XYLT1: variants seen among roughly 807,000 people sequenced by gnomAD.
XYLT1 encodes the protein beta-D-xylosyltransferase 1.
XYLT1 carries 36 observed loss-of-function variants against 91.3 expected under a neutral mutation model. The observed-to-expected ratio is 0.39, with a 90% CI of 0.30 to 0.52. The LOEUF is 0.52. XYLT1 is among the 20% of genes least tolerant of loss of function. XYLT1 has a pLI of 0.68. For synonymous variants in XYLT1, 588 were observed against 532.0 expected, an observed-to-expected ratio of 1.11 and a Z score of -1.45; for missense variants, 1,242 against 1,284.5, an observed-to-expected ratio of 0.97 and a Z score of 0.51.
intron 5 of XYLT1, among the ~76,000 whole-genome samples, chr16:17,181,530 ACTAT>A: frequency 6.6e-6 from 1 of 151,110 alleles, no homozygotes; most frequent in Non-Finnish European, 1.5e-5. Flanking sequence ...CCTGTGTTCC[ACTAT>A]CTTTCATGTT....
At chr16:17,270,393 C>A (rs1051828820) in intron 2 of XYLT1, among the ~76,000 whole-genome samples, 5 of 152,194 alleles carry the variant, frequency 3.3e-5, no homozygotes, top group African/African-American at 9.6e-5. Context: ...CCAACCCCAC[C>A]AGGGGGACAT....
intron 5 of XYLT1, among the ~76,000 whole-genome samples, chr16:17,166,186 C>T (rs1015942143): frequency 1.3e-4 from 20 of 152,220 alleles, no homozygotes; most frequent in African/African-American, 4.6e-4. Flanking sequence ...TGTCAAGCAA[C>T]GGGGTCAGGG....
At chr16:17,272,233 C>T (rs1270299140) in intron 2 of XYLT1, among the ~76,000 whole-genome samples, 1 of 131,280 alleles carries the variant, frequency 7.6e-6, no homozygotes, top group African/African-American at 3.0e-5. Flanking sequence ...ACGATCTTGG[C>T]TCACTGCAAC....
Position 17,259,394 on chromosome 16 carries a change from T to C in XYLT1, c.507A>G (p.Ala169=). The C allele has an allele frequency of 1.2e-6, 2 of 1,614,196 alleles. No individual in the cohort carries two copies. Among genetic ancestry groups the C allele is most frequent in the Non-Finnish European group, 1.7e-6 (2 of 1,180,042 alleles). Residue 169 remains alanine, a synonymous_variant, in exon 3 of 12, where the codon GCA becomes GCG. Transcript: ENST00000261381. ...DFENVDNSNF[A]PRTQKQKHQP... The stretch of plus-strand genomic sequence containing the variant: ...GGTGCTTCTGCTTTTGAGTCCTGGG[T>C]GCGAAGTTGCTGTTGTCGACATTCT...
chr16:17,305,164 C>T (rs1232526873), intron 2 of XYLT1, among the ~76,000 whole-genome samples: 1 of 152,152 alleles, frequency 6.6e-6, no homozygotes, highest in Non-Finnish European at 1.5e-5. Flanking sequence ...CATCCCAGTT[C>T]CCCAAATCAG....
At chr16:17,337,462 G>C (rs1029005888) in intron 2 of XYLT1, among the ~76,000 whole-genome samples, 12 of 152,170 alleles carry the variant, frequency 7.9e-5, no homozygotes, top group African/African-American at 2.9e-4. Flanking sequence ...TAGGATTACA[G>C]GCGTGAGCCA....
Position 17,106,810 on chromosome 16 carries a change from A to C in XYLT1, c.*1885T>G, listed in dbSNP as rs892243979. The C allele has an allele frequency of 4.6e-5, 7 of 152,054 alleles. No homozygotes were observed. Among genetic ancestry groups the C allele is most frequent in the African/African-American group, 1.7e-4 (7 of 41,388 alleles). 9.4% of individuals were successfully genotyped at this position (152,054 alleles called of 1,614,324 possible). A position where few individuals can be genotyped will look rare whatever the true frequency, so the allele number is the denominator to read the frequency against. On this transcript the variant is annotated 3_prime_UTR_variant, in exon 12 of 12. Transcript: ENST00000261381. Reference sequence around the variant, plus strand: ...AGGGAGAGTGAGGCTGACACTCTGCATAAGGAAAAAAACAAGGCTCCAACG... The same window carrying C: ...AGGGAGAGTGAGGCTGACACTCTGCCTAAGGAAAAAAACAAGGCTCCAACG...
intron 11 of XYLT1, among the ~76,000 whole-genome samples, chr16:17,114,233 T>G (rs7185924): frequency 0.057 from 8,638 of 152,322 alleles, 808 homozygotes; most frequent in African/African-American, 0.19. Context: ...CATAAGTGTT[T>G]CCCTGAGTTC....
chr16:17,139,343 G>T (rs560307230), intron 7 of XYLT1, among the ~76,000 whole-genome samples: 1 of 152,304 alleles, frequency 6.6e-6, no homozygotes, highest in African/African-American at 2.4e-5. Flanking sequence ...TCCTCTTGAA[G>T]TGGTCTGGGA....
chr16:17,386,585 C>T (rs2035750112), intron 1 of XYLT1, among the ~76,000 whole-genome samples: 1 of 152,134 alleles, frequency 6.6e-6, no homozygotes, highest in Non-Finnish European at 1.5e-5. Flanking sequence ...AATTACAATA[C>T]ACATCAACAG....
intron 2 of XYLT1, among the ~76,000 whole-genome samples, chr16:17,279,847 G>A (rs541637000): frequency 6.6e-6 from 1 of 152,316 alleles, no homozygotes; most frequent in African/African-American, 2.4e-5. Flanking sequence ...CAGTCAGGCA[G>A]AGGACACCTT....
intron 3 of XYLT1, among the ~76,000 whole-genome samples, chr16:17,203,465 C>A (rs2032580919): frequency 6.6e-6 from 1 of 151,934 alleles, no homozygotes; most frequent in South Asian, 2.1e-4. Context: ...AATCCAACCA[C>A]TAATCTGTCC....
chr16:17,315,321 A>C (rs993733210), intron 2 of XYLT1, among the ~76,000 whole-genome samples: 1 of 152,096 alleles, frequency 6.6e-6, no homozygotes, highest in African/African-American at 2.4e-5. Context: ...CACCTTGTGC[A>C]TTTGCACATG....
intron 1 of XYLT1, among the ~76,000 whole-genome samples, chr16:17,459,532 G>T (rs928318555): frequency 6.6e-6 from 1 of 152,184 alleles, no homozygotes; most frequent in East Asian, 1.9e-4. Context: ...CCTGGGGCTC[G>T]TTTAGGACTA....
chr16:17,404,049 G>A (rs886170502), intron 1 of XYLT1, among the ~76,000 whole-genome samples: 10 of 152,186 alleles, frequency 6.6e-5, no homozygotes, highest in Middle Eastern at 3.4e-3. Context: ...CCGCAGCAAC[G>A]TCAGACAGAT....
chr16:17,259,503 A>T lies in XYLT1; in HGVS notation c.403-5T>A, dbSNP rs763599401. The T allele has an allele frequency of 1.2e-6, 2 of 1,601,704 alleles. No homozygotes were observed. Among genetic ancestry groups the T allele is most frequent in the South Asian group, 1.1e-5 (1 of 90,988 alleles). On this transcript the variant is annotated splice_region_variant and splice_polypyrimidine_tract_variant and intron_variant, in intron 2 of 11. Transcript: ENST00000261381. ...CCGATGAGAAAAGTAGCCATCCTGG[A>T]GAAGAGGGGAGAGAAACAGAAGAGA...
intron 1 of XYLT1, among the ~76,000 whole-genome samples, chr16:17,376,353 A>AC (rs1461897964): frequency 2.6e-5 from 4 of 152,198 alleles, no homozygotes; most frequent in Non-Finnish European, 4.4e-5. Context: ...ACCTAAGAGG[A>AC]CAGAGGTAGG....
At chr16:17,187,566 C>CAAAAAAAA (rs57130941) in intron 5 of XYLT1, among the ~76,000 whole-genome samples, 6 of 57,194 alleles carry the variant, frequency 1.0e-4, no homozygotes, top group South Asian at 1.0e-3. Flanking sequence ...AACGCTGTCT[C>CAAAAAAAA]AAAAAAAAAA....
chr16:17,337,039 A>G (rs1267922152), intron 2 of XYLT1, among the ~76,000 whole-genome samples: 1 of 152,222 alleles, frequency 6.6e-6, no homozygotes, highest in Non-Finnish European at 1.5e-5. Flanking sequence ...GAACAAAAAA[A>G]TATTATTCAG....
Sources: allele counts gnomAD v4.1 joint callset (sites outside exome capture counted in the v4.1 genomes callset), GRCh38; gene constraint gnomAD v4.1.1; transcripts MANE v1.5; gene names NCBI Gene and HGNC (gene_info 2026-07-23, HGNC 2026-07-21).